POLR2F: variants seen among roughly 807,000 people sequenced by gnomAD.
The protein encoded by POLR2F is DNA-directed RNA polymerases I, II, and III subunit RPABC2.
In POLR2F, 12 loss-of-function variants were observed where a neutral mutation model predicts 22.7. The observed-to-expected ratio is 0.53, with a 90% confidence interval of 0.34 to 0.86. The LOEUF is 0.86. POLR2F is among the 40% of genes least tolerant of loss of function. The pLI is 0.02. For missense variants in POLR2F, 126 were observed against 171.5 expected (o/e 0.73, Z 1.48); for synonymous variants, 57 against 66.0 (o/e 0.86, Z 0.66).
intron 1 of POLR2F, among the ~76,000 whole-genome samples, chr22:38,023,677 T>C (rs1028972948): frequency 6.6e-6 from 1 of 151,636 alleles, no homozygotes; most frequent in African/African-American, 2.4e-5. Context: ...TGATTTTTGC[T>C]TTTTTTTCTT....
chr22:38,035,979 C>CT (rs68189085), intron 5 of POLR2F, among the ~76,000 whole-genome samples: 85,114 of 142,714 alleles, frequency 0.6, 25,474 homozygotes, highest in East Asian at 0.74. Context: ...CCCTGCTTTT[C>CT]TTTTTTTTTT....
chr22:37,954,018 G>C (rs1481127784), intron 1 of POLR2F, among the ~76,000 whole-genome samples: 1 of 152,258 alleles, frequency 6.6e-6, no homozygotes, highest in Admixed American at 6.5e-5. Context: ...CGAGGGTCCA[G>C]AGGGGATCCG....
rs1932166770 is a variant in POLR2F at position 37,974,479 on chromosome 22, A to T, written c.293+7309A>T. On this transcript the variant is annotated intron_variant, in intron 4 of 4. Transcript: ENST00000405557. The surrounding 1 kb of genome is among the most constrained non-coding windows in gnomAD (Gnocchi z 5.4). ...ATGATTCTCCTGCCTCAGCCTCCTG[A>T]GTAGCTGGAATTACAAGCGCCCACC... is the stretch of plus-strand genomic sequence containing the variant. Among the ~76,000 whole-genome samples, 1 of 151,260 alleles carries T rather than the reference A, an allele frequency of 6.6e-6. No individual in the cohort carries two copies. The highest frequency in any genetic ancestry group is 1.5e-5 in the Non-Finnish European group (1 of 67,882).
downstream of POLR2F, chr22:37,973,585 C>T (rs766470653): frequency 8.7e-6 from 14 of 1,613,042 alleles, no homozygotes; most frequent in Admixed American, 3.3e-5. Context: ...CAGAGATGGC[C>T]GTGTAGAGGG....
At chr22:38,021,736 C>T (rs536625180) in intron 1 of POLR2F, among the ~76,000 whole-genome samples, 22 of 152,090 alleles carry the variant, frequency 1.4e-4, no homozygotes, top group African/African-American at 3.4e-4. Flanking sequence ...GGATTACAGG[C>T]GTGAGCCACT....
chr22:37,986,220 G>C lies in POLR2F; in HGVS notation c.30G>C (p.Glu10Asp), dbSNP rs181580018. 188 of 1,542,022 alleles carry C rather than the reference G, an allele frequency of 1.2e-4. No individual in the cohort carries two copies. The African/African-American group carries it at 2.4e-3, about 20-fold the overall frequency. Residue 10 changes from glutamate to aspartate, a missense_variant, in exon 1 of 3, where the codon GAG (glutamate) becomes GAC (aspartate). Coordinates refer to the POLR2F transcript ENST00000333418. The surrounding 1 kb of genome is among the most constrained non-coding windows in gnomAD (Gnocchi z 4.7). Reference sequence around the variant, plus strand: ...GGATGGACAGAGGGACGAGGGACGAGCATCTGCCGTCGTGTCCCGGCTGCC... The same window carrying C: ...GGATGGACAGAGGGACGAGGGACGACCATCTGCCGTCGTGTCCCGGCTGCC...
chr22:37,975,871 G>A (rs1485959657), intron 4 of POLR2F, among the ~76,000 whole-genome samples: 4 of 152,102 alleles, frequency 2.6e-5, no homozygotes, highest in Admixed American at 1.3e-4. Flanking sequence ...TGGGATAGAC[G>A]GCCATGCCAC....
At chr22:38,022,536 A>C (rs2084968783) in intron 1 of POLR2F, among the ~76,000 whole-genome samples, 1 of 144,578 alleles carries the variant, frequency 6.9e-6, no homozygotes. Context: ...GGGCAACAAG[A>C]GTGAAACGCT....
downstream of POLR2F, chr22:37,970,740 G>C (rs1264047740): frequency 1.3e-5 from 2 of 159,274 alleles, no homozygotes. Context: ...CAAGTTTGCA[G>C]ATACATAAAG....
intron 1 of POLR2F, among the ~76,000 whole-genome samples, chr22:38,012,762 C>G (rs953384621): frequency 2.0e-5 from 3 of 152,114 alleles, no homozygotes; most frequent in East Asian, 1.9e-4. Context: ...TGTACCATGT[C>G]CCTCAACTTG....
At chr22:38,018,906 C>T (rs2084937092) in intron 1 of POLR2F, among the ~76,000 whole-genome samples, 1 of 152,138 alleles carries the variant, frequency 6.6e-6, no homozygotes, top group Non-Finnish European at 1.5e-5. Flanking sequence ...CTCTGGAGGG[C>T]CAGGATGGCT....
intron 1 of POLR2F, among the ~76,000 whole-genome samples, chr22:38,014,358 T>TA (rs577444423): frequency 6.9e-4 from 105 of 151,328 alleles, no homozygotes; most frequent in African/African-American, 2.0e-3. Context: ...TTTTTTATTT[T>TA]TTTTTTTTTG....
At chr22:38,009,569 G>A (rs2084853915) in intron 1 of POLR2F, among the ~76,000 whole-genome samples, 1 of 152,168 alleles carries the variant, frequency 6.6e-6, no homozygotes, top group Non-Finnish European at 1.5e-5. Context: ...ACTTGGATGA[G>A]TTTTGACACA....
intron 1 of POLR2F, among the ~76,000 whole-genome samples, chr22:38,025,427 C>G (rs574333988): frequency 6.6e-6 from 1 of 152,294 alleles, no homozygotes; most frequent in East Asian, 1.9e-4. Flanking sequence ...CTCACAGATA[C>G]ACATGTGCAC....
At chr22:37,995,948 T>A (rs2084709528) in intron 1 of POLR2F, among the ~76,000 whole-genome samples, 1 of 151,468 alleles carries the variant, frequency 6.6e-6, no homozygotes, top group Admixed American at 6.6e-5. Flanking sequence ...GAGAAGTGAG[T>A]CATGATCGTG....
chr22:38,039,929 G>A (rs1488111213), intron 5 of POLR2F, among the ~76,000 whole-genome samples: 3 of 152,166 alleles, frequency 2.0e-5, no homozygotes, highest in African/African-American at 7.2e-5. Context: ...CCTGGAGGAG[G>A]TGACTGTGAA....
At chr22:37,974,205 A>C (rs1758023990), downstream of POLR2F, 1 of 1,596,188 alleles carries the variant, frequency 6.3e-7, no homozygotes, top group South Asian at 1.1e-5. This position sits in a 1 kb window ranked among gnomAD's most constrained non-coding sequence, Gnocchi z 5.4. Context: ...TGGCCTGGGT[A>C]GAAGGGAGAC....
intron 1 of POLR2F, chr22:37,987,904 A>G (rs1601891218): frequency 2.0e-5 from 3 of 153,266 alleles, no homozygotes; most frequent in East Asian, 1.9e-4. Context: ...GTGCTTCTCA[A>G]ATGGGAAGGC....
At chr22:38,033,902 ATGCTGACTCTAAGTT>A (rs1345139927) in intron 5 of POLR2F, among the ~76,000 whole-genome samples, 1 of 152,070 alleles carries the variant, frequency 6.6e-6, no homozygotes, top group Non-Finnish European at 1.5e-5. Context: ...CTCATGACCC[ATGCTGACTCTAAGTT>A]TGCTGCTCAC....
Sources: gnomAD v4.1 joint callset for allele counts (sites outside exome capture counted in the v4.1 genomes callset) on GRCh38, gnomAD v4.1.1 for gene constraint, Gnocchi (gnomAD v3.1) non-coding constraint, MANE v1.5 for transcripts, NCBI Gene and HGNC (gene_info 2026-07-23, HGNC 2026-07-21) for gene names.